Variants in CAPZA1 observed in about 807,000 individuals in gnomAD.
CAPZA1 encodes capping actin protein of muscle Z-line subunit alpha 1.
A neutral mutation model predicts 40.8 loss-of-function variants in CAPZA1; 10 were observed. The observed-to-expected ratio is 0.25, with a 90% confidence interval of 0.15 to 0.42. The LOEUF (loss-of-function observed/expected upper bound fraction) is 0.42. Among genes scored for constraint, CAPZA1 ranks in the 10% least tolerant of loss-of-function variants. The pLI, the probability that CAPZA1 is intolerant of heterozygous loss-of-function variation, is 1.00. For synonymous variants in CAPZA1, 98 were observed against 115.0 expected (o/e 0.85, Z 0.95); for missense variants, 277 against 353.8 (o/e 0.78, Z 1.74).
chr1:112,668,804 A>G (rs1055742938), intron 8 of CAPZA1, among the ~76,000 whole-genome samples: 2 of 152,210 alleles, frequency 1.3e-5, no homozygotes, highest in Admixed American at 6.5e-5. Flanking sequence ...ATTATCCCTG[A>G]AAGTGATAAA....
chr1:112,660,865 A>G (rs1287623171), intron 7 of CAPZA1, among the ~76,000 whole-genome samples: 50 of 63,602 alleles, frequency 7.9e-4, no homozygotes, highest in Non-Finnish European at 6.6e-4. Context: ...TTTTTTTTTG[A>G]GAAGGAGGAG....
intron 1 of CAPZA1, among the ~76,000 whole-genome samples, chr1:112,631,956 CTTAG>C (rs754438452): frequency 8.3e-4 from 126 of 152,136 alleles, no homozygotes; most frequent in African/African-American, 9.4e-4. Flanking sequence ...TACAATGACT[CTTAG>C]TTAAAGTAAA....
At chr1:112,638,897 C>CATAGATATAGAT (rs71084484) in intron 1 of CAPZA1, among the ~76,000 whole-genome samples, 8,726 of 139,046 alleles carry the variant, frequency 0.063, 430 homozygotes, top group African/African-American at 0.12. Context: ...AGCGAGACTC[C>CATAGATATAGAT]ATAGATATAG....
At chr1:112,653,570 TTTTTAA>T in intron 3 of CAPZA1, 22 bp from the exon 4 acceptor site, 2 of 1,424,762 alleles carry the variant, frequency 1.4e-6, no homozygotes, top group South Asian at 1.3e-5. Context: ...TTTTTTTTTT[TTTTTAA>T]AAAACTTTTA....
Position 112,642,371 on chromosome 1 carries a change from G to A in CAPZA1, c.40-4839G>A, listed in dbSNP as rs1671188189. 2.6e-5 allele frequency among the ~76,000 whole-genome samples: 4 copies of A among 151,390 alleles called. 1 individual carries two copies. Among genetic ancestry groups the A allele is most frequent in the Admixed American group, 2.6e-4 (4 of 15,180 alleles). On this transcript the variant is annotated intron_variant, in intron 1 of 9. Coordinates refer to ENST00000263168, the MANE Select transcript of CAPZA1 (RefSeq NM_006135.3). ...TGTGATTACAGTTGCCTGCCACCGT[G>A]CCTGGCTAATTTTTGTATTTTTTTT...
At chr1:112,662,039 T>G (rs557235902) in intron 7 of CAPZA1, among the ~76,000 whole-genome samples, 1 of 152,362 alleles carries the variant, frequency 6.6e-6, no homozygotes, top group South Asian at 2.1e-4. Context: ...GAAATTTGTG[T>G]TAGTTAATTG....
At position 112,658,934 on chromosome 1, in the gene CAPZA1, AG is replaced by A. The variant is rs1671548040; in HGVS notation, c.427-86del. ...TTTATGTGATTCTTTGTCTCCCCCAAGGATTTAACACTCTGCTTTTGTACAA... is the reference window on the plus strand; with the variant it reads ...TTTATGTGATTCTTTGTCTCCCCCAAGATTTAACACTCTGCTTTTGTACAA... On this transcript the variant is annotated intron_variant, in intron 5 of 9. Coordinates refer to ENST00000263168, the MANE Select transcript of CAPZA1 (RefSeq NM_006135.3). 5 of 947,476 alleles carry A rather than the reference AG, an allele frequency of 5.3e-6. No individual in the cohort carries two copies. In the East Asian group the frequency reaches 1.2e-4, roughly 23 times the overall value. The allele number at this position is 947,476 out of a possible 1,614,324, so 58.7% of individuals were successfully genotyped here.
At chr1:112,648,347 CTT>C (rs35670246) in intron 2 of CAPZA1, among the ~76,000 whole-genome samples, 136 of 99,400 alleles carry the variant, frequency 1.4e-3, no homozygotes, top group African/African-American at 3.6e-3. Flanking sequence ...TTGAATTTTT[CTT>C]TTTTTTTTTT....
chr1:112,645,121 TA>T (rs1347281943), intron 1 of CAPZA1, among the ~76,000 whole-genome samples: 3 of 152,132 alleles, frequency 2.0e-5, no homozygotes, highest in Non-Finnish European at 2.9e-5. Context: ...ACTCAGAAGA[TA>T]AACTGCTCAC....
chr1:112,669,046 GA>G (rs991811830), intron 8 of CAPZA1, among the ~76,000 whole-genome samples: 2 of 152,170 alleles, frequency 1.3e-5, no homozygotes, highest in African/African-American at 4.8e-5. Flanking sequence ...TTTTAGACTT[GA>G]ACCACGTGGT....
chr1:112,664,259 T>A (rs1671679658), intron 7 of CAPZA1, among the ~76,000 whole-genome samples: 1 of 151,848 alleles, frequency 6.6e-6, no homozygotes, highest in Admixed American at 6.6e-5. Context: ...AGATACTTAT[T>A]TTTGTCCTTT....
intron 1 of CAPZA1, among the ~76,000 whole-genome samples, chr1:112,645,385 G>GAGGCTGAGGTGGGAGGATCACT (rs1671260396): frequency 6.6e-6 from 1 of 152,202 alleles, no homozygotes; most frequent in Non-Finnish European, 1.5e-5. Context: ...AATGCTTTGG[G>GAGGCTGAGGTGGGAGGATCACT]AGGCTGAGGT....
intron 1 of CAPZA1, among the ~76,000 whole-genome samples, chr1:112,640,490 G>T: frequency 7.6e-6 from 1 of 131,172 alleles, no homozygotes. Context: ...GAGGGAGGTG[G>T]GGGGGTCAGC....
chr1:112,668,115 T>C (rs1004770766), intron 8 of CAPZA1, among the ~76,000 whole-genome samples: 1 of 151,712 alleles, frequency 6.6e-6, no homozygotes, highest in Non-Finnish European at 1.5e-5. Flanking sequence ...TGAAACCCTG[T>C]CTCTACAAAA....
At chr1:112,640,635 C>T (rs1357320856) in intron 1 of CAPZA1, among the ~76,000 whole-genome samples, 11 of 151,848 alleles carry the variant, frequency 7.2e-5, no homozygotes, top group African/African-American at 2.7e-4. Context: ...CCGCCCCATC[C>T]GGGACGTGAG....
At chr1:112,660,350 G>A (rs941839891) in intron 7 of CAPZA1, among the ~76,000 whole-genome samples, 7 of 152,140 alleles carry the variant, frequency 4.6e-5, no homozygotes, top group African/African-American at 1.7e-4. Flanking sequence ...GCATGATCTC[G>A]GCTCTTCGCA....
At position 112,669,612 on chromosome 1, in the gene CAPZA1, A is replaced by G. The variant is rs746740423; in HGVS notation, c.720+7A>G. ...TGCAGAAAATGAGTATCAGGTAAGA[A>G]GATTTGGAGTTAATTTTCCTAGATC... On this transcript the variant is annotated splice_region_variant and intron_variant, in intron 9 of 9. Transcript: ENST00000263168. 1.9e-6 allele frequency: 3 copies of G among 1,581,452 alleles called. No homozygotes were observed. In the African/African-American group the frequency reaches 4.0e-5, roughly 21 times the overall value.
At chr1:112,633,784 T>G (rs1308834914) in intron 1 of CAPZA1, among the ~76,000 whole-genome samples, 1 of 152,256 alleles carries the variant, frequency 6.6e-6, no homozygotes, top group East Asian at 1.9e-4. Flanking sequence ...ATAGCCATTC[T>G]GACAGGCATG....
chr1:112,623,562 TC>T (rs1353944438), intron 1 of CAPZA1, among the ~76,000 whole-genome samples: 3 of 151,334 alleles, frequency 2.0e-5, no homozygotes, highest in Non-Finnish European at 2.9e-5. Flanking sequence ...ATGCCTGTAA[TC>T]CCAGCTACTC....
Sources: gnomAD v4.1 joint callset for allele counts (sites outside exome capture counted in the v4.1 genomes callset) on GRCh38, gnomAD v4.1.1 for gene constraint, MANE v1.5 for transcripts, NCBI Gene and HGNC (gene_info 2026-07-23, HGNC 2026-07-21) for gene names.